Variants in DLC1 observed in about 807,000 individuals in gnomAD.
DLC1 encodes the protein rho GTPase-activating protein 7.
A neutral mutation model predicts 140.3 loss-of-function variants in DLC1; 54 were observed. That is an observed-to-expected ratio of 0.38 (90% CI 0.31 to 0.48). DLC1 has a LOEUF of 0.48. Among genes scored for constraint, DLC1 ranks in the 20% least tolerant of loss-of-function variants. DLC1 has a pLI of 0.96. For missense variants in DLC1, 2,536 were observed against 1,907.0 expected (o/e 1.33, Z -6.14); for synonymous variants, 986 against 728.1 (o/e 1.35, Z -5.70).
At chr8:13,291,197 C>A (rs1036798771) in intron 5 of DLC1, among the ~76,000 whole-genome samples, 4 of 152,222 alleles carry the variant, frequency 2.6e-5, no homozygotes, top group Non-Finnish European at 5.9e-5. Flanking sequence ...GCATGAGCCA[C>A]TGCGCCTGGC....
chr8:13,141,256 C>CAAAAAAAAAAAAAAAAAAAAA (rs34321250), intron 5 of DLC1, among the ~76,000 whole-genome samples: 3 of 63,768 alleles, frequency 4.7e-5, no homozygotes, highest in African/African-American at 8.7e-5. Flanking sequence ...GAGTCTGTCT[C>CAAAAAAAAAAAAAAAAAAAAA]AAAAAAAAAA....
At chr8:13,500,595 C>G (rs1801769392) in intron 1 of DLC1, among the ~76,000 whole-genome samples, 1 of 152,184 alleles carries the variant, frequency 6.6e-6, no homozygotes, top group Non-Finnish European at 1.5e-5. Flanking sequence ...TTAAATAAAT[C>G]TATTCACTGT....
At chr8:13,600,930 C>G (rs1585320223) in intron 1 of DLC1, among the ~76,000 whole-genome samples, 1 of 151,760 alleles carries the variant, frequency 6.6e-6, no homozygotes, top group East Asian at 1.9e-4. Context: ...ATTCATTTTA[C>G]CAAATCATGA....
chr8:13,371,109 A>G (rs535676319), intron 4 of DLC1, among the ~76,000 whole-genome samples: 6 of 152,320 alleles, frequency 3.9e-5, no homozygotes, highest in African/African-American at 1.4e-4. Flanking sequence ...TCATTTTCCT[A>G]GTTGCTCAAT....
intron 4 of DLC1, among the ~76,000 whole-genome samples, chr8:13,344,287 A>G (rs76435611): frequency 0.89 from 135,614 of 151,968 alleles, 61,032 homozygotes; most frequent in East Asian, 0.99. Flanking sequence ...TAAGATCAGG[A>G]GTTTGAGACC....
At chr8:13,528,644 A>T (rs1239499604) in intron 1 of DLC1, among the ~76,000 whole-genome samples, 2 of 152,174 alleles carry the variant, frequency 1.3e-5, no homozygotes, top group African/African-American at 4.8e-5. Context: ...TATGTAGACA[A>T]ATGAATCACA....
Position 13,099,337 on chromosome 8 carries a change from A to G in DLC1, c.2990+10T>C. Reference sequence around the variant, plus strand: ...TGCCCCACACCCGGAGGCAGGAGAAAAGTTCTTACCTGTTGGACCTGGTTA... The same window carrying G: ...TGCCCCACACCCGGAGGCAGGAGAAGAGTTCTTACCTGTTGGACCTGGTTA... On this transcript the variant is annotated intron_variant, in intron 9 of 17. Transcript: ENST00000276297. 3 of 1,608,150 alleles carry G rather than the reference A, an allele frequency of 1.9e-6. No individual in the cohort carries two copies. The highest frequency in any genetic ancestry group is 2.5e-6 in the Non-Finnish European group (3 of 1,177,274).
At chr8:13,508,278 ATGTAATT>A (rs1802197354) in intron 1 of DLC1, among the ~76,000 whole-genome samples, 1 of 152,206 alleles carries the variant, frequency 6.6e-6, no homozygotes, top group South Asian at 2.1e-4. Flanking sequence ...AGCAACCCGC[ATGTAATT>A]TGAGGAAACT....
At chr8:13,373,060 G>A (rs530992706) in intron 4 of DLC1, among the ~76,000 whole-genome samples, 1 of 152,126 alleles carries the variant, frequency 6.6e-6, no homozygotes, top group East Asian at 1.9e-4. Flanking sequence ...CTGTTGCTCA[G>A]ACTAGAGTGC....
chr8:13,547,894 TCTC>T (rs1160953377), intron 1 of DLC1, among the ~76,000 whole-genome samples: 2 of 86 alleles, frequency 0.023, no homozygotes, highest in South Asian at 0.25. Context: ...TCTTGGAATC[TCTC>T]TTTTTTCTTG....
intron 1 of DLC1, among the ~76,000 whole-genome samples, chr8:13,528,292 T>G (rs1802984024): frequency 6.6e-6 from 1 of 152,138 alleles, no homozygotes; most frequent in South Asian, 2.1e-4. Context: ...AGTGTTTTCT[T>G]TCATGAATTT....
intron 5 of DLC1, among the ~76,000 whole-genome samples, chr8:13,222,275 T>G (rs1290394000): frequency 6.6e-6 from 1 of 152,118 alleles, no homozygotes; most frequent in Non-Finnish European, 1.5e-5. Flanking sequence ...ACCCACATTT[T>G]CAATTCCTTC....
chr8:13,586,957 A>G (rs888469074), intron 1 of DLC1, among the ~76,000 whole-genome samples: 3 of 152,124 alleles, frequency 2.0e-5, no homozygotes, highest in East Asian at 3.9e-4. Context: ...ATAATAATAC[A>G]TGGACATTGA....
chr8:13,223,401 C>T (rs930222941), intron 5 of DLC1, among the ~76,000 whole-genome samples: 5 of 152,194 alleles, frequency 3.3e-5, no homozygotes, highest in African/African-American at 4.8e-5. Context: ...ATACAATAAT[C>T]TGTTTGCCTC....
chr8:13,520,218 C>T (rs1400119759), intron 1 of DLC1, among the ~76,000 whole-genome samples: 1 of 152,120 alleles, frequency 6.6e-6, no homozygotes, highest in South Asian at 2.1e-4. Flanking sequence ...GACTTGGAAC[C>T]AACCCAAATG....
chr8:13,538,684 C>T (rs1803382135), intron 1 of DLC1, among the ~76,000 whole-genome samples: 3 of 152,132 alleles, frequency 2.0e-5, no homozygotes, highest in Non-Finnish European at 4.4e-5. Flanking sequence ...TCCGGTTTTA[C>T]AGATGGAGAA....
At chr8:13,444,743 C>A (rs990197957) in intron 2 of DLC1, among the ~76,000 whole-genome samples, 1 of 152,110 alleles carries the variant, frequency 6.6e-6, no homozygotes, top group African/African-American at 2.4e-5. Flanking sequence ...AAGCAAATAT[C>A]ATTCCATGTT....
intron 2 of DLC1, among the ~76,000 whole-genome samples, chr8:13,404,055 C>G (rs975676211): frequency 6.6e-5 from 10 of 151,920 alleles, no homozygotes; most frequent in African/African-American, 2.4e-4. Context: ...TAGTTTTGGT[C>G]TTGTTATGCT....
chr8:13,383,515 G>C (rs1836367635), intron 4 of DLC1, among the ~76,000 whole-genome samples: 1 of 152,196 alleles, frequency 6.6e-6, no homozygotes, highest in Non-Finnish European at 1.5e-5. Context: ...ATTTGGAGCA[G>C]GCTAGTGCTT....
Sources: gnomAD v4.1 joint callset for allele counts (sites outside exome capture counted in the v4.1 genomes callset) on GRCh38, gnomAD v4.1.1 for gene constraint, MANE v1.5 for transcripts, NCBI Gene and HGNC (gene_info 2026-07-23, HGNC 2026-07-21) for gene names.